Variants in KLHL4 observed in about 807,000 individuals in gnomAD.
KLHL4 encodes the protein kelch-like protein 4.
KLHL4 carries 17 observed loss-of-function variants against 45.8 expected under a neutral mutation model. That is an observed-to-expected ratio of 0.37 (90% CI 0.25 to 0.56). The LOEUF is 0.56. KLHL4 is among the 20% of genes least tolerant of loss of function. The pLI, the probability that KLHL4 is intolerant of heterozygous loss-of-function variation, is 0.79. For missense variants in KLHL4, 544 were observed against 544.9 expected, an observed-to-expected ratio of 1.00 and a Z score of 0.02; for synonymous variants, 224 against 189.9, an observed-to-expected ratio of 1.18 and a Z score of -1.47.
At chrX:87,545,149 A>T (rs976521047) in intron 1 of KLHL4, among the ~76,000 whole-genome samples, 2 of 112,860 alleles carry the variant, frequency 1.8e-5, no homozygotes, top group African/African-American at 6.4e-5. Flanking sequence ...CTGAAAATGC[A>T]ATTGGCATAC....
At chrX:87,534,720 A>T (rs1931393083) in intron 1 of KLHL4, among the ~76,000 whole-genome samples, 1 of 111,758 alleles carries the variant, frequency 8.9e-6, no homozygotes, top group Non-Finnish European at 1.9e-5. Flanking sequence ...CTTGGCATGG[A>T]TCACCTTGTG....
chrX:87,529,334 C>T (rs991398853), intron 1 of KLHL4, among the ~76,000 whole-genome samples: 1 of 111,670 alleles, frequency 9.0e-6, no homozygotes, highest in Non-Finnish European at 1.9e-5. Context: ...CTCTGTGCAT[C>T]ATTCAATATT....
Position 87,667,900 on chromosome X carries a change from C to T in KLHL4, c.*1366C>T, listed in dbSNP as rs1401482491. On this transcript the variant is annotated 3_prime_UTR_variant, in exon 11 of 11. Transcript: ENST00000373119. ...TTGTACAAAGATATTTGTACTTTGACAAACTGAATTTAAATAAACTTTATT... is the reference window on the plus strand; with the variant it reads ...TTGTACAAAGATATTTGTACTTTGATAAACTGAATTTAAATAAACTTTATT... 2.9e-6 allele frequency: 2 copies of T among 683,215 alleles called. No individual in the cohort carries two copies. Among genetic ancestry groups the T allele is most frequent in the African/African-American group, 4.8e-5 (2 of 41,928 alleles). 56.3% of individuals were successfully genotyped at this position (683,215 alleles called of 1,213,427 possible).
Position 87,667,605 on chromosome X carries a change from G to C in KLHL4, c.*1071G>C, listed in dbSNP as rs1924415540. ...TGTGTGCTATATAAAAAAAAAAAAA[G>C]ACTTGTTAAGTTTTAAAATAACAAA... On this transcript the variant is annotated 3_prime_UTR_variant, in exon 11 of 11. Coordinates refer to ENST00000373119, the MANE Select transcript of KLHL4 (RefSeq NM_019117.5). 25 of 504,709 alleles carry C rather than the reference G, an allele frequency of 5.0e-5. No homozygotes were observed. The highest frequency in any genetic ancestry group is 5.8e-5 in the Non-Finnish European group (24 of 416,315). The allele number at this position is 504,709 out of a possible 1,213,427, so 41.6% of individuals were successfully genotyped here. A position where few individuals can be genotyped will look rare whatever the true frequency, so the allele number is the denominator to read the frequency against.
chrX:87,602,027 G>A (rs1922034072), intron 1 of KLHL4, among the ~76,000 whole-genome samples: 1 of 109,238 alleles, frequency 9.2e-6, no homozygotes, highest in South Asian at 3.9e-4. Context: ...AGTCTAAAAA[G>A]CAAAATTAAT....
At chrX:87,574,822 C>A (rs1489974551) in intron 1 of KLHL4, among the ~76,000 whole-genome samples, 2 of 111,759 alleles carry the variant, frequency 1.8e-5, no homozygotes, top group Non-Finnish European at 3.8e-5. Context: ...AGGTAATGAT[C>A]ATAACTTACT....
intron 1 of KLHL4, among the ~76,000 whole-genome samples, chrX:87,527,418 A>G (rs1208376029): frequency 9.0e-6 from 1 of 111,602 alleles, no homozygotes; most frequent in African/African-American, 3.3e-5. Context: ...CTGCAGCACC[A>G]CAACCCTGGC....
chrX:87,609,846 C>A (rs1200619295), intron 1 of KLHL4, among the ~76,000 whole-genome samples: 1 of 111,118 alleles, frequency 9.0e-6, no homozygotes, highest in Non-Finnish European at 1.9e-5. Context: ...GGGTGCTAGT[C>A]TCTTTAAACA....
At chrX:87,539,475 G>T (rs1005912707) in intron 1 of KLHL4, among the ~76,000 whole-genome samples, 4 of 110,207 alleles carry the variant, frequency 3.6e-5, no homozygotes, top group Non-Finnish European at 7.6e-5. Context: ...CAATGCATCC[G>T]ATTTTTGGAC....
chrX:87,533,094 A>G (rs2147767995), intron 1 of KLHL4, among the ~76,000 whole-genome samples: 1 of 108,054 alleles, frequency 9.3e-6, no homozygotes, highest in South Asian at 4.3e-4. Context: ...GAACACTTTT[A>G]CACTGTTGGT....
At chrX:87,549,610 CAA>C (rs775006074) in intron 1 of KLHL4, among the ~76,000 whole-genome samples, 11 of 111,056 alleles carry the variant, frequency 9.9e-5, no homozygotes, top group South Asian at 7.3e-4. Context: ...AATTTAATAA[CAA>C]GAGGAATTTT....
intron 1 of KLHL4, among the ~76,000 whole-genome samples, chrX:87,575,237 A>G (rs1355440075): frequency 9.0e-6 from 1 of 111,722 alleles, no homozygotes; most frequent in Non-Finnish European, 1.9e-5. Context: ...CGGACAAGTG[A>G]GTATTACTTC....
At chrX:87,535,481 C>T (rs1173810156) in intron 1 of KLHL4, among the ~76,000 whole-genome samples, 1 of 111,713 alleles carries the variant, frequency 9.0e-6, no homozygotes. Context: ...CCTTAGTATC[C>T]TAAAAATAGT....
Position 87,622,319 on chromosome X carries a change from A to C in KLHL4, c.1033A>C (p.Ile345Leu). Residue 345 changes from isoleucine (I) to leucine (L), a missense_variant, in exon 5 of 11, where the codon ATT becomes CTT. Transcript: ENST00000373119. ...DDINVPDEET[I>L]FHALMQWVGH... Reference sequence around the variant, plus strand: ...CATTAATGTGCCTGATGAAGAGACCATTTTTCATGCTCTAATGCAGTGGGT... The same window carrying C: ...CATTAATGTGCCTGATGAAGAGACCCTTTTTCATGCTCTAATGCAGTGGGT... 1 of 1,207,140 alleles carries C rather than the reference A, an allele frequency of 8.3e-7. No individual in the cohort carries two copies. The highest frequency in any genetic ancestry group is 1.1e-6 in the Non-Finnish European group (1 of 891,606).
chrX:87,605,147 A>T (rs1294924210), intron 1 of KLHL4, among the ~76,000 whole-genome samples: 1 of 111,491 alleles, frequency 9.0e-6, no homozygotes, highest in Non-Finnish European at 1.9e-5. Flanking sequence ...CCAATATCAT[A>T]CTTTGTTGAT....
At chrX:87,579,716 C>T (rs1307047716) in intron 1 of KLHL4, among the ~76,000 whole-genome samples, 3 of 111,687 alleles carry the variant, frequency 2.7e-5, no homozygotes, top group Non-Finnish European at 5.7e-5. Flanking sequence ...AACTGCCAAT[C>T]AAGAATACTA....
chrX:87,577,819 G>A (rs972794345), intron 1 of KLHL4, among the ~76,000 whole-genome samples: 2 of 111,324 alleles, frequency 1.8e-5, no homozygotes, highest in Non-Finnish European at 3.8e-5. Flanking sequence ...ATTCTAGCAT[G>A]TATGTCTTTA....
chrX:87,626,661 A>AAC (rs1391165280), intron 6 of KLHL4, among the ~76,000 whole-genome samples: 1 of 109,783 alleles, frequency 9.1e-6, no homozygotes, highest in Non-Finnish European at 1.9e-5. Flanking sequence ...TAAAAAAAAA[A>AAC]AAAACTCAGT....
chrX:87,589,858 C>T (rs1312736826), intron 1 of KLHL4, among the ~76,000 whole-genome samples: 1 of 93,558 alleles, frequency 1.1e-5, no homozygotes, highest in African/African-American at 4.0e-5. Flanking sequence ...GGAGAAACCC[C>T]GTCTCTACTA....
Sources: gnomAD v4.1 joint callset for allele counts (sites outside exome capture counted in the v4.1 genomes callset) on GRCh38, gnomAD v4.1.1 for gene constraint, MANE v1.5 for transcripts, NCBI Gene and HGNC (gene_info 2026-07-23, HGNC 2026-07-21) for gene names.